Variants in PLXNA4 observed in about 807,000 individuals in gnomAD.
PLXNA4 encodes the protein plexin-A4.
A neutral mutation model predicts 191.8 loss-of-function variants in PLXNA4; 44 were observed. The observed-to-expected ratio is 0.23, with a 90% CI of 0.18 to 0.29. PLXNA4 has a LOEUF of 0.29. PLXNA4 is among the 10% of genes least tolerant of loss of function. The probability of loss-of-function intolerance (pLI) is 1.00; values close to 1 mark genes in which losing one functional copy is unlikely to be tolerated. For missense variants in PLXNA4, 1,800 were observed against 2,488.8 expected (o/e 0.72, Z 5.89); for synonymous variants, 1,082 against 1,009.5 (o/e 1.07, Z -1.36).
chr7:132,489,935 A>C (rs1797719840), intron 2 of PLXNA4, among the ~76,000 whole-genome samples: 2 of 152,194 alleles, frequency 1.3e-5, no homozygotes. Context: ...ATCTATACAG[A>C]AGAGGGATGT....
chr7:132,245,910 C>T (rs902038345), intron 4 of PLXNA4, among the ~76,000 whole-genome samples: 12 of 152,172 alleles, frequency 7.9e-5, no homozygotes, highest in South Asian at 4.2e-4. Flanking sequence ...GAAAGTAGTA[C>T]GGTGGTTGCC....
At chr7:132,518,430 C>G (rs1174882725) in intron 1 of PLXNA4, among the ~76,000 whole-genome samples, 1 of 152,220 alleles carries the variant, frequency 6.6e-6, no homozygotes, top group Admixed American at 6.5e-5. Context: ...AGCAGTCCAG[C>G]AGGGGCCATG....
At chr7:132,189,409 G>A (rs1797018626) in intron 14 of PLXNA4, among the ~76,000 whole-genome samples, 1 of 152,252 alleles carries the variant, frequency 6.6e-6, no homozygotes, top group African/African-American at 2.4e-5. Context: ...AGAGGGAAGG[G>A]GGAAAGCATT....
chr7:132,328,424 C>G (rs900426141), intron 3 of PLXNA4, among the ~76,000 whole-genome samples: 1 of 152,048 alleles, frequency 6.6e-6, no homozygotes, highest in African/African-American at 2.4e-5. Context: ...GAGGGCTGGA[C>G]AAAAAGGGCA....
At chr7:132,542,645 T>C (rs1440354638) in intron 1 of PLXNA4, among the ~76,000 whole-genome samples, 1 of 152,232 alleles carries the variant, frequency 6.6e-6, no homozygotes, top group Non-Finnish European at 1.5e-5. Flanking sequence ...ATAAGACTAT[T>C]CTCACTGTAT....
At chr7:132,356,305 A>C (rs1803704180) in intron 3 of PLXNA4, among the ~76,000 whole-genome samples, 1 of 152,196 alleles carries the variant, frequency 6.6e-6, no homozygotes, top group Non-Finnish European at 1.5e-5. Context: ...GTTTATAGCA[A>C]TTTAATCAGC....
intron 2 of PLXNA4, among the ~76,000 whole-genome samples, chr7:132,495,610 G>C (rs1755347483): frequency 6.6e-6 from 1 of 152,132 alleles, no homozygotes; most frequent in African/African-American, 2.4e-5. Flanking sequence ...CTGTGGTCCA[G>C]GAGAGAGAGG....
chr7:132,189,520 T>C (rs930890075), intron 14 of PLXNA4, among the ~76,000 whole-genome samples: 4 of 152,134 alleles, frequency 2.6e-5, no homozygotes, highest in Non-Finnish European at 5.9e-5. Flanking sequence ...AACCCACAAA[T>C]TGGAGTCTGG....
intron 3 of PLXNA4, among the ~76,000 whole-genome samples, chr7:132,373,472 C>T (rs920646575): frequency 6.6e-6 from 1 of 152,136 alleles, no homozygotes; most frequent in Non-Finnish European, 1.5e-5. Flanking sequence ...TGGAAAGGTT[C>T]GATTTTGTGT....
intron 3 of PLXNA4, among the ~76,000 whole-genome samples, chr7:132,406,336 T>G (rs1176794623): frequency 4.6e-5 from 7 of 152,210 alleles, no homozygotes; most frequent in Non-Finnish European, 8.8e-5. Flanking sequence ...CTTCAAGAAC[T>G]TCTTCAAAAT....
intron 2 of PLXNA4, among the ~76,000 whole-genome samples, chr7:132,641,742 T>C (rs1301419138): frequency 6.6e-6 from 1 of 152,226 alleles, no homozygotes; most frequent in Non-Finnish European, 1.5e-5. Context: ...AGAGTGATAT[T>C]GTTTTTTAAG....
At chr7:132,506,996 T>C (rs2116238866) in intron 2 of PLXNA4, among the ~76,000 whole-genome samples, 1 of 152,364 alleles carries the variant, frequency 6.6e-6, no homozygotes, top group African/African-American at 2.4e-5. Context: ...TACAAAGGGC[T>C]AAAAACACAC....
rs116386662 is a variant in PLXNA4 at position 132,600,661 on chromosome 7, T to A, written c.-87+45267A>T. ...GTGCTGGGATTACAGGCATGAACCATGGCACCCTGCCTCTCATTTTTTCCT... is the reference window on the plus strand; with the variant it reads ...GTGCTGGGATTACAGGCATGAACCAAGGCACCCTGCCTCTCATTTTTTCCT... On this transcript the variant is annotated intron_variant, in intron 2 of 4. Coordinates refer to the PLXNA4 transcript ENST00000378539. Among the ~76,000 whole-genome samples, 868 of 152,300 alleles carry A rather than the reference T, an allele frequency of 5.7e-3. 13 individuals carry two copies. The highest frequency in any genetic ancestry group is 0.019 in the African/African-American group (791 of 41,574).
At chr7:132,428,804 A>G (rs887459231) in intron 3 of PLXNA4, among the ~76,000 whole-genome samples, 5 of 152,296 alleles carry the variant, frequency 3.3e-5, no homozygotes, top group African/African-American at 1.2e-4. Context: ...TCTGAGAACA[A>G]TTAGAAAAGA....
intron 23 of PLXNA4, among the ~76,000 whole-genome samples, 168 bp downstream of exon 23, chr7:132,164,966 C>A (rs537809708): frequency 2.0e-4 from 30 of 152,216 alleles, no homozygotes; most frequent in African/African-American, 5.5e-4. Context: ...TGATGGACTG[C>A]AGGCCTCTGT....
At chr7:132,264,662 G>A (rs1799778314) in intron 4 of PLXNA4, among the ~76,000 whole-genome samples, 1 of 150,756 alleles carries the variant, frequency 6.6e-6, no homozygotes, top group Non-Finnish European at 1.5e-5. Context: ...TTGGCTCTGG[G>A]AAATACTGTC....
intron 3 of PLXNA4, among the ~76,000 whole-genome samples, chr7:132,325,173 A>G (rs1802311072): frequency 6.6e-6 from 1 of 152,108 alleles, no homozygotes; most frequent in African/African-American, 2.4e-5. Context: ...AAATTTTACC[A>G]CCCAACTGTT....
intron 9 of PLXNA4, among the ~76,000 whole-genome samples, chr7:132,215,580 G>T (rs1156863833): frequency 6.6e-6 from 1 of 152,116 alleles, no homozygotes; most frequent in Non-Finnish European, 1.5e-5. Context: ...ACTCCTGGAG[G>T]ATGGGGGTAT....
At chr7:132,545,374 G>A (rs1181285759) in intron 1 of PLXNA4, among the ~76,000 whole-genome samples, 4 of 152,312 alleles carry the variant, frequency 2.6e-5, no homozygotes, top group East Asian at 3.9e-4. Context: ...CCTGTGGGTT[G>A]GGCCATGTTT....
Sources: allele counts gnomAD v4.1 joint callset (sites outside exome capture counted in the v4.1 genomes callset), GRCh38; gene constraint gnomAD v4.1.1; transcripts MANE v1.5; gene names NCBI Gene and HGNC (gene_info 2026-07-23, HGNC 2026-07-21).